Variants in IGSF3 observed in about 807,000 individuals in gnomAD.
IGSF3 encodes glu-Trp-Ile EWI motif-containing protein 3.
IGSF3 carries 23 observed loss-of-function variants against 114.4 expected under a neutral mutation model. That is an observed-to-expected ratio of 0.20 (90% confidence interval 0.14 to 0.28). IGSF3 has a LOEUF of 0.28. IGSF3 is among the 10% of genes least tolerant of loss of function. IGSF3 has a pLI of 1.00. For synonymous variants in IGSF3, 571 were observed against 645.2 expected, an observed-to-expected ratio of 0.88 and a Z score of 1.74; for missense variants, 1,172 against 1,591.5, an observed-to-expected ratio of 0.74 and a Z score of 4.48.
rs1647655471 is a variant in IGSF3 at position 116,632,883 on chromosome 1, GTGTTT to G, written c.44-16431_44-16427del. 2.0e-5 allele frequency among the ~76,000 whole-genome samples: 3 copies of G among 152,240 alleles called. No homozygotes were observed. The highest frequency in any genetic ancestry group is 7.2e-5 in the African/African-American group (3 of 41,452). ...CATGGCTAGGGACAGTGACATCAGT[GTGTTT>G]ACCAAGCATTTGATTTACTTGCTCA... On this transcript the variant is annotated intron_variant, in intron 2 of 10. Coordinates refer to ENST00000369486, the MANE Select transcript of IGSF3 (RefSeq NM_001007237.3). This position sits in a 1 kb window ranked among gnomAD's most constrained non-coding sequence, Gnocchi z 5.1.
rs369847625 is a variant in IGSF3, at chr1:116,616,309, C to T, written c.192G>A (p.Ser64=). The T allele has an allele frequency of 1.1e-5, 17 of 1,612,070 alleles. No individual in the cohort carries two copies. Among genetic ancestry groups the T allele is most frequent in the South Asian group, 2.2e-5 (2 of 90,984 alleles). The change falls in exon 3 of 11, where the codon TCG becomes TCA. Residue 64 remains serine (S), a synonymous_variant. Transcript: ENST00000369486. This position sits in a 1 kb window ranked among gnomAD's most constrained non-coding sequence, Gnocchi z 6.6. ...TGACGATCTGCACCTCTCGCTCTGG[C>T]GACGAAGGCAGGTAAATGGACCACT... The part of the protein sequence containing the change: ...NFQWSIYLPS[S]PEREVQIVST...
chr1:116,606,365 G>A, intron 5 of IGSF3: 1 of 1,218,688 alleles, frequency 8.2e-7, no homozygotes, highest in Non-Finnish European at 1.2e-6. Context: ...GGATTTGAGA[G>A]GTGGGAGCGG....
chr1:116,621,131 CCT>C (rs1262978818), intron 2 of IGSF3, among the ~76,000 whole-genome samples: 4 of 151,966 alleles, frequency 2.6e-5, no homozygotes, highest in African/African-American at 7.3e-5. Flanking sequence ...GCACCTCCCC[CCT>C]CTCTCTCTTG....
Position 116,616,141 on chromosome 1 carries a change from G to A in IGSF3, c.360C>T (p.Cys120=), listed in dbSNP as rs1661207995. The A allele has an allele frequency of 1.2e-6, 2 of 1,613,404 alleles. No individual in the cohort carries two copies. The highest frequency in any genetic ancestry group is 1.3e-5 in the African/African-American group (1 of 74,926). The change falls in exon 3 of 11, where the codon TGC becomes TGT. Residue 120 remains cysteine, a synonymous_variant. Transcript: ENST00000369486. This position sits in a 1 kb window ranked among gnomAD's most constrained non-coding sequence, Gnocchi z 6.6. The part of the protein sequence containing the change: ...LQARDAGEYE[C]HTPSTDKQYF... ...ATTGCTTATCAGTGCTGGGTGTGTG[G>A]CATTCATACTCCCCGGCATCCCGGG...
rs1195451721 is a variant in IGSF3, at chr1:116,634,256, A to C, written c.44-17799T>G. On this transcript the variant is annotated intron_variant, in intron 2 of 10. Transcript: ENST00000369486. This position sits in a 1 kb window ranked among gnomAD's most constrained non-coding sequence, Gnocchi z 4.2. ...ATGAGGAGACAGTATAAAAAAGACA[A>C]GGATAATTTTAAATTTCTCCTAATA... is the stretch of plus-strand genomic sequence containing the variant. Among the ~76,000 whole-genome samples, 1 of 152,272 alleles carries C rather than the reference A, an allele frequency of 6.6e-6. No individual in the cohort carries two copies. Among genetic ancestry groups the C allele is most frequent in the Non-Finnish European group, 1.5e-5 (1 of 68,052 alleles).
In IGSF3 at chr1:116,614,304, T is replaced by G; in HGVS notation, c.422-129A>C. The stretch of plus-strand genomic sequence containing the variant: ...TAACAGTCATCCTTGAACCATCGAT[T>G]CAAGGCCACAGACAGCCCCAAATGC... On this transcript the variant is annotated intron_variant, in intron 3 of 10. Transcript: ENST00000369486. This position sits in a 1 kb window ranked among gnomAD's most constrained non-coding sequence, Gnocchi z 4.5. 1.4e-6 allele frequency: 1 copy of G among 709,954 alleles called. No homozygotes were observed. The highest frequency in any genetic ancestry group is 2.7e-5 in the East Asian group (1 of 37,416). 44.0% of individuals were successfully genotyped at this position (709,954 alleles called of 1,614,324 possible). A position where few individuals can be genotyped will look rare whatever the true frequency, so the allele number is the denominator to read the frequency against.
chr1:116,578,994 T>C (rs1035553093), intron 10 of IGSF3, among the ~76,000 whole-genome samples: 1 of 152,136 alleles, frequency 6.6e-6, no homozygotes, highest in African/African-American at 2.4e-5. Flanking sequence ...GACAGTGAGG[T>C]AGTCAGCCTT....
In IGSF3 at chr1:116,667,249, G is replaced by A. The variant is rs377490175; in HGVS notation, c.-630-293C>T. On this transcript the variant is annotated intron_variant, in intron 1 of 10. Coordinates refer to ENST00000369486, the MANE Select transcript of IGSF3 (RefSeq NM_001007237.3). Reference sequence around the variant, plus strand: ...GGCGCCGCAGGTAGCCCCACCCTCCGCCAGGGCAAATCGGGAAGGGGCTCC... The same window carrying A: ...GGCGCCGCAGGTAGCCCCACCCTCCACCAGGGCAAATCGGGAAGGGGCTCC... 3.9e-5 allele frequency among the ~76,000 whole-genome samples: 6 copies of A among 152,210 alleles called. No homozygotes were observed. The East Asian group carries it at 9.7e-4, about 25-fold the overall frequency.
Position 116,618,954 on chromosome 1 carries a change from G to A in IGSF3, c.44-2497C>T, listed in dbSNP as rs1174257254. Among the ~76,000 whole-genome samples the A allele has an allele frequency of 1.3e-5, 2 of 152,172 alleles. No individual in the cohort carries two copies. The highest frequency in any genetic ancestry group is 2.4e-5 in the African/African-American group (1 of 41,424). The stretch of plus-strand genomic sequence containing the variant: ...GACCTACACTGGAATCACCTGGGGA[G>A]CTTTAAAGAACTAACAGTGCCTGGA... On this transcript the variant is annotated intron_variant, in intron 2 of 10. Transcript: ENST00000369486. This position sits in a 1 kb window ranked among gnomAD's most constrained non-coding sequence, Gnocchi z 4.7.
At position 116,615,660 on chromosome 1, in the gene IGSF3, G is replaced by A. The variant is rs1312197727; in HGVS notation, c.421+420C>T. On this transcript the variant is annotated intron_variant, in intron 3 of 10. Coordinates refer to ENST00000369486, the MANE Select transcript of IGSF3 (RefSeq NM_001007237.3). The surrounding 1 kb of genome is among the most constrained non-coding windows in gnomAD (Gnocchi z 4.3). ...TCTGAGCAAGGACCCACAGCCACAT[G>A]TGCTTCCTGCTTCAGCAGTGCCCCG... is the stretch of plus-strand genomic sequence containing the variant. Among the ~76,000 whole-genome samples the A allele has an allele frequency of 6.6e-6, 1 of 152,188 alleles. No homozygotes were observed. The highest frequency in any genetic ancestry group is 1.5e-5 in the Non-Finnish European group (1 of 68,036).
At chr1:116,578,540 A>G (rs1190253388) in intron 10 of IGSF3, among the ~76,000 whole-genome samples, 2 of 152,218 alleles carry the variant, frequency 1.3e-5, no homozygotes, top group Non-Finnish European at 2.9e-5. Context: ...TTCTAACACA[A>G]TGTGAGCACG....
intron 9 of IGSF3, among the ~76,000 whole-genome samples, 198 bp from the exon 10 acceptor site, chr1:116,580,075 G>A (rs1659536745): frequency 6.6e-6 from 1 of 152,194 alleles, no homozygotes; most frequent in African/African-American, 2.4e-5. Flanking sequence ...CAATGTTACT[G>A]TCCATGTCAT....
At position 116,648,443 on chromosome 1, in the gene IGSF3, G is replaced by C. The variant is rs907714304; in HGVS notation, c.43+17841C>G. Among the ~76,000 whole-genome samples, 27 of 152,190 alleles carry C rather than the reference G, an allele frequency of 1.8e-4. No individual in the cohort carries two copies. Among genetic ancestry groups the C allele is most frequent in the African/African-American group, 6.0e-4 (25 of 41,438 alleles). On this transcript the variant is annotated intron_variant, in intron 2 of 10. Transcript: ENST00000369486. This position sits in a 1 kb window ranked among gnomAD's most constrained non-coding sequence, Gnocchi z 4.7. ...ATGCCTTTCCCACGTGTCTAACTCT[G>C]CTTTGTTTAAAGCACAGTCAGACCC... is the stretch of plus-strand genomic sequence containing the variant.
Position 116,638,567 on chromosome 1 carries a change from C to T in IGSF3, c.44-22110G>A, listed in dbSNP as rs563327301. On this transcript the variant is annotated intron_variant, in intron 2 of 10. Coordinates refer to ENST00000369486, the MANE Select transcript of IGSF3 (RefSeq NM_001007237.3). This position sits in a 1 kb window ranked among gnomAD's most constrained non-coding sequence, Gnocchi z 4.1. Reference sequence around the variant, plus strand: ...CCACTCCCTCCAAACATCCCCGGTACGTCTTACTGGATTTTGCCATTTCCC... The same window carrying T: ...CCACTCCCTCCAAACATCCCCGGTATGTCTTACTGGATTTTGCCATTTCCC... Among the ~76,000 whole-genome samples, 1 of 152,320 alleles carries T rather than the reference C, an allele frequency of 6.6e-6. No individual in the cohort carries two copies. Among genetic ancestry groups the T allele is most frequent in the South Asian group, 2.1e-4 (1 of 4,820 alleles).
chr1:116,653,537 C>T (rs569754477), intron 2 of IGSF3, among the ~76,000 whole-genome samples: 4 of 152,156 alleles, frequency 2.6e-5, no homozygotes, highest in East Asian at 3.9e-4. Context: ...AGTGGGAAGG[C>T]GAATGTTTGT....
chr1:116,577,438 G>C lies in IGSF3; in HGVS notation c.3459C>G (p.Asn1153Lys). The C allele has an allele frequency of 6.2e-7, 1 of 1,614,234 alleles. No homozygotes were observed. Among genetic ancestry groups the C allele is most frequent in the Non-Finnish European group, 8.5e-7 (1 of 1,180,044 alleles). Residue 1153 changes from asparagine to lysine, a missense_variant, in exon 11 of 11, where the codon AAC becomes AAG. This residue lies in a region of IGSF3 where 423 missense variants were observed against 509.8 expected (regional missense o/e 0.83). Transcript: ENST00000369486. The surrounding 1 kb of genome is among the most constrained non-coding windows in gnomAD (Gnocchi z 5.7). Reference protein sequence around the residue: ...TILLVRFKSRNSSKNSDGKNG... With the variant: ...TILLVRFKSRKSSKNSDGKNG... ...TCTTCCCATCAGAGTTCTTGCTGGA[G>C]TTCCGGCTCTTGAAACGCACCAGAA...
In IGSF3 at chr1:116,598,470, C is replaced by T. The variant is rs115133545; in HGVS notation, c.2029+1471G>A. 3.5e-3 allele frequency among the ~76,000 whole-genome samples: 536 copies of T among 152,286 alleles called. 3 individuals are homozygous for T. Among genetic ancestry groups the T allele is most frequent in the African/African-American group, 0.012 (519 of 41,564 alleles). On this transcript the variant is annotated intron_variant, in intron 7 of 10. Transcript: ENST00000369486. The surrounding 1 kb of genome is among the most constrained non-coding windows in gnomAD (Gnocchi z 4.3). ...CTGTCATTGGCCAAGGGAACAGTCT[C>T]GTCATTTATACAACTCACTTGTTCC...
intron 6 of IGSF3, among the ~76,000 whole-genome samples, chr1:116,602,900 G>A (rs747956304): frequency 6.6e-6 from 1 of 152,190 alleles, no homozygotes; most frequent in Non-Finnish European, 1.5e-5. Context: ...ATCTTCCTTG[G>A]TTTTAGCAAA....
chr1:116,611,399 C>T (rs1661013423), intron 4 of IGSF3, among the ~76,000 whole-genome samples: 1 of 152,172 alleles, frequency 6.6e-6, no homozygotes, highest in African/African-American at 2.4e-5. Context: ...CATACGTGCA[C>T]ATGAACACCA....
Sources: gnomAD v4.1 joint callset for allele counts (sites outside exome capture counted in the v4.1 genomes callset) on GRCh38, gnomAD v4.1.1 for gene constraint, gnomAD v4.1.1 regional missense constraint, Gnocchi (gnomAD v3.1) non-coding constraint, MANE v1.5 for transcripts, NCBI Gene and HGNC (gene_info 2026-07-23, HGNC 2026-07-21) for gene names.